The following DNAAF9 variants were observed in gnomAD, a reference collection of about 807,000 sequenced individuals.
The protein encoded by DNAAF9 is dynein axonemal assembly factor 9.
Under a neutral mutation model 167.0 loss-of-function variants are expected in DNAAF9, and 90 were observed. The observed-to-expected ratio is 0.54, with a 90% CI of 0.45 to 0.64. The LOEUF is 0.64. DNAAF9 is among the 30% of genes least tolerant of loss of function. DNAAF9 has a pLI of 0.00. For missense variants in DNAAF9, 1,315 were observed against 1,442.2 expected, an observed-to-expected ratio of 0.91 and a Z score of 1.43; for synonymous variants, 491 against 508.8, an observed-to-expected ratio of 0.96 and a Z score of 0.47.
rs2069506537 is a variant in DNAAF9, at chr20:3,316,732, G to A, written c.1530C>T (p.Cys510=). ...GATGAATGACACTAACCAGCCAGGA[G>A]CAGAATCTGGGTACAGCAGCAGTCA... is the stretch of plus-strand genomic sequence containing the variant. ...VVLTAAVPRF[C]SWLVEDNEVK... Residue 510 remains cysteine, a synonymous_variant, in exon 18 of 37, where the codon TGC becomes TGT. Coordinates refer to ENST00000252032, the MANE Select transcript of DNAAF9 (RefSeq NM_001009984.3). 2 of 1,612,726 alleles carry A rather than the reference G, an allele frequency of 1.2e-6. No individual in the cohort carries two copies. Among genetic ancestry groups the A allele is most frequent in the African/African-American group, 1.3e-5 (1 of 74,968 alleles).
chr20:3,256,666 G>A (rs1330759308), intron 33 of DNAAF9, among the ~76,000 whole-genome samples: 3 of 152,250 alleles, frequency 2.0e-5, no homozygotes, highest in Non-Finnish European at 4.4e-5. Context: ...ATAGGTGGGA[G>A]AAGAGGAAGA....
chr20:3,399,415 C>T (rs935647448), intron 1 of DNAAF9, among the ~76,000 whole-genome samples: 1 of 151,992 alleles, frequency 6.6e-6, no homozygotes, highest in Non-Finnish European at 1.5e-5. Flanking sequence ...TCATCATGCT[C>T]GCCAGGCTGG....
intron 9 of DNAAF9, among the ~76,000 whole-genome samples, chr20:3,342,039 G>A (rs190361216): frequency 2.3e-4 from 35 of 152,212 alleles, no homozygotes; most frequent in Non-Finnish European, 4.1e-4. Flanking sequence ...GGCCTCCCAG[G>A]TGATAATCTT....
At chr20:3,372,597 C>T (rs1303363263) in intron 6 of DNAAF9, among the ~76,000 whole-genome samples, 1 of 152,190 alleles carries the variant, frequency 6.6e-6, no homozygotes, top group Non-Finnish European at 1.5e-5. Context: ...AAACCTCTCT[C>T]ATTTGGGTTA....
chr20:3,332,759 TG>T (rs1187717246), intron 10 of DNAAF9, among the ~76,000 whole-genome samples: 1 of 152,174 alleles, frequency 6.6e-6, no homozygotes, highest in African/African-American at 2.4e-5. Flanking sequence ...CCACTGCACC[TG>T]GCCAGAAATA....
Position 3,348,628 on chromosome 20 carries a change from G to GA in DNAAF9, c.691-6dup. The GA allele has an allele frequency of 1.9e-6, 3 of 1,556,388 alleles. No individual in the cohort carries two copies. Among genetic ancestry groups the GA allele is most frequent in the Non-Finnish European group, 1.7e-6 (2 of 1,143,148 alleles). The stretch of plus-strand genomic sequence containing the variant: ...ATGTTCAAAAGCCACCAAATCCTGG[G>GA]AAAAAAAGGAAAAAGATAACGTGTT... On this transcript the variant is annotated splice_region_variant and splice_polypyrimidine_tract_variant and intron_variant, in intron 7 of 36. Coordinates refer to ENST00000252032, the MANE Select transcript of DNAAF9 (RefSeq NM_001009984.3).
chr20:3,394,478 G>A (rs1363687944), intron 1 of DNAAF9, among the ~76,000 whole-genome samples: 1 of 152,052 alleles, frequency 6.6e-6, no homozygotes, highest in Admixed American at 6.6e-5. Flanking sequence ...TCACCTTTAA[G>A]CTTAAGGGTT....
chr20:3,306,982 C>A, intron 20 of DNAAF9: 6 of 985,312 alleles, frequency 6.1e-6, no homozygotes, highest in Non-Finnish European at 7.2e-6. Flanking sequence ...CCTGGGTATC[C>A]CTCTACATTT....
In DNAAF9 at chr20:3,304,923, C is replaced by T. The variant is rs1277132295; in HGVS notation, c.1679-380G>A. Among the ~76,000 whole-genome samples, 8 of 152,166 alleles carry T rather than the reference C, an allele frequency of 5.3e-5. No individual in the cohort carries two copies. The East Asian group carries it at 1.3e-3, about 26-fold the overall frequency. On this transcript the variant is annotated intron_variant, in intron 20 of 36. Transcript: ENST00000252032. ...TCTTCTGCTTTGCCAGAAGCTGGCT[C>T]GGCCCTAAAGAGACCACATCCCTCA...
chr20:3,276,624 A>G (rs2068679697), intron 29 of DNAAF9, among the ~76,000 whole-genome samples: 1 of 152,194 alleles, frequency 6.6e-6, no homozygotes, highest in Non-Finnish European at 1.5e-5. Flanking sequence ...CACTTCCCCA[A>G]GGCTCTCTGC....
At chr20:3,253,701 A>C in intron 36 of DNAAF9, 25 bp downstream of exon 36, 1 of 1,417,450 alleles carries the variant, frequency 7.1e-7, no homozygotes, top group South Asian at 1.2e-5. Flanking sequence ...GGTTCCACAC[A>C]GGGACCACGC....
chr20:3,292,753 G>A (rs1325517632), intron 25 of DNAAF9, among the ~76,000 whole-genome samples: 1 of 146,280 alleles, frequency 6.8e-6, no homozygotes, highest in Middle Eastern at 3.7e-3. Context: ...GCAACAGAGC[G>A]AGACTCCATT....
intron 29 of DNAAF9, among the ~76,000 whole-genome samples, chr20:3,275,615 T>C (rs574682931): frequency 1.0e-3 from 159 of 152,338 alleles, no homozygotes; most frequent in Non-Finnish European, 1.6e-3. Context: ...AGGCCAGCTA[T>C]GTAAACTGCC....
intron 35 of DNAAF9, among the ~76,000 whole-genome samples, 182 bp from the exon 36 acceptor site, chr20:3,254,001 G>A (rs79458821): frequency 0.03 from 4,515 of 152,296 alleles, 151 homozygotes; most frequent in African/African-American, 0.081. Context: ...CCTCTCAGGT[G>A]AGGAGCTCTG....
chr20:3,262,213 G>A (rs2068402350), intron 31 of DNAAF9, among the ~76,000 whole-genome samples: 1 of 151,738 alleles, frequency 6.6e-6, no homozygotes, highest in African/African-American at 2.4e-5. Flanking sequence ...TTCTCTATAA[G>A]GACTGATCTT....
intron 30 of DNAAF9, among the ~76,000 whole-genome samples, chr20:3,268,516 A>C (rs969463896): frequency 4.0e-5 from 6 of 151,660 alleles, no homozygotes; most frequent in African/African-American, 2.4e-5. Flanking sequence ...TTTAGTAGAG[A>C]CAGGGTTTCA....
chr20:3,320,534 G>A (rs367762289), intron 16 of DNAAF9, among the ~76,000 whole-genome samples: 36 of 152,196 alleles, frequency 2.4e-4, no homozygotes, highest in African/African-American at 8.2e-4. Flanking sequence ...GAGAAGTCAG[G>A]GATTTAAAGT....
chr20:3,302,060 A>G (rs1028339170), intron 21 of DNAAF9, among the ~76,000 whole-genome samples: 2 of 151,984 alleles, frequency 1.3e-5, no homozygotes, highest in African/African-American at 4.8e-5. Flanking sequence ...CTCCTGCCTC[A>G]GTCTCCCAAG....
intron 25 of DNAAF9, among the ~76,000 whole-genome samples, chr20:3,293,666 CAAAAA>C (rs71195830): frequency 1.2e-4 from 10 of 85,598 alleles, no homozygotes; most frequent in African/African-American, 2.9e-4. Flanking sequence ...GCCTGGGTGA[CAAAAA>C]AAAAAAAAAA....
Sources: gnomAD v4.1 joint callset for allele counts (sites outside exome capture counted in the v4.1 genomes callset) on GRCh38, gnomAD v4.1.1 for gene constraint, MANE v1.5 for transcripts, NCBI Gene and HGNC (gene_info 2026-07-23, HGNC 2026-07-21) for gene names.